The following MYO16 variants were observed in gnomAD, a reference collection of about 807,000 sequenced individuals.
MYO16 encodes myosin XVI, also known as unconventional myosin-XVI.
In MYO16, 94 loss-of-function variants were observed where a neutral mutation model predicts 205.3. The ratio of observed to expected loss-of-function variants is 0.46; its 90% confidence interval spans 0.39 to 0.54. The LOEUF is 0.54. Among genes scored for constraint, MYO16 ranks in the 20% least tolerant of loss-of-function variants. The pLI, the probability that MYO16 is intolerant of heterozygous loss-of-function variation, is 0.00. For missense variants in MYO16, 2,315 were observed against 2,387.5 expected, an observed-to-expected ratio of 0.97 and a Z score of 0.63; for synonymous variants, 988 against 954.0, an observed-to-expected ratio of 1.04 and a Z score of -0.66.
chr13:108,838,753 T>TAC (rs373261668), intron 9 of MYO16, among the ~76,000 whole-genome samples: 1,866 of 76,908 alleles, frequency 0.024, 37 homozygotes, highest in African/African-American at 0.086. Flanking sequence ...TATATATATA[T>TAC]ACACACACAC....
At chr13:108,532,180 T>C in the MYO16 span, among the ~76,000 whole-genome samples, 1 of 151,882 alleles carries the variant, frequency 6.6e-6, no homozygotes, top group African/African-American at 2.4e-5. Flanking sequence ...CACTCTAGCC[T>C]GGGTGACAGA....
intron 20 of MYO16, among the ~76,000 whole-genome samples, chr13:108,981,877 G>A (rs1185431379): frequency 6.6e-6 from 1 of 152,190 alleles, no homozygotes; most frequent in Non-Finnish European, 1.5e-5. Context: ...TTATTGAAAA[G>A]ACAGCTCTCC....
chr13:109,009,496 G>A (rs866117118), intron 22 of MYO16, among the ~76,000 whole-genome samples: 61 of 152,076 alleles, frequency 4.0e-4, no homozygotes, highest in African/African-American at 1.4e-3. Context: ...TATAATGTCG[G>A]TTAAATTAAG....
intron 27 of MYO16, among the ~76,000 whole-genome samples, chr13:109,091,612 C>T (rs1423752075): frequency 6.6e-6 from 1 of 152,182 alleles, no homozygotes; most frequent in Admixed American, 6.5e-5. Context: ...CACTGGCGAC[C>T]GCATTTCCAA....
At chr13:108,558,587 G>A in the MYO16 span, among the ~76,000 whole-genome samples, 33 of 152,300 alleles carry the variant, frequency 2.2e-4, no homozygotes, top group Non-Finnish European at 3.2e-4. Context: ...TTGCTGTCTC[G>A]CAGCAGAAGC....
chr13:108,835,383 T>C lies in MYO16; in HGVS notation c.1098-8960T>C, dbSNP rs150489410. 9.2e-4 allele frequency among the ~76,000 whole-genome samples: 140 copies of C among 152,294 alleles called. 3 individuals are homozygous for C. The highest frequency in any genetic ancestry group is 3.3e-3 in the African/African-American group (138 of 41,574). On this transcript the variant is annotated intron_variant, in intron 9 of 34. Transcript: ENST00000457511. ...ATTATTGTAATTTTCCTGAGGCCTC[T>C]TCAGCCATGTGGAACTGCAAATCAA...
chr13:109,027,237 T>C (rs781449065), intron 23 of MYO16, among the ~76,000 whole-genome samples: 6 of 152,168 alleles, frequency 3.9e-5, no homozygotes, highest in Non-Finnish European at 7.3e-5. Flanking sequence ...CTCCATCACA[T>C]GGCCCTGTCC....
At chr13:108,947,446 G>A (rs1225385255) in intron 16 of MYO16, among the ~76,000 whole-genome samples, 1 of 152,188 alleles carries the variant, frequency 6.6e-6, no homozygotes, top group Non-Finnish European at 1.5e-5. Context: ...CCCAGGCCTT[G>A]AGTTGTTAAA....
At chr13:108,701,206 G>A (rs181950085) in intron 2 of MYO16, among the ~76,000 whole-genome samples, 3 of 152,144 alleles carry the variant, frequency 2.0e-5, no homozygotes, top group East Asian at 3.9e-4. Flanking sequence ...ACCCAGGAGC[G>A]GAGAGGGAAT....
At chr13:108,792,493 C>T (rs964494954) in intron 5 of MYO16, among the ~76,000 whole-genome samples, 7 of 147,338 alleles carry the variant, frequency 4.8e-5, no homozygotes, top group African/African-American at 1.7e-4. Flanking sequence ...TCATAGTTTT[C>T]CAGTTTTTAT....
intron 4 of MYO16, among the ~76,000 whole-genome samples, chr13:108,747,180 A>G (rs1397697957): frequency 1.3e-5 from 2 of 152,236 alleles, no homozygotes; most frequent in Non-Finnish European, 1.5e-5. Context: ...TAAACAACAT[A>G]AACAGGAAAA....
chr13:109,164,276 T>G (rs958301513), intron 32 of MYO16, among the ~76,000 whole-genome samples: 1 of 152,248 alleles, frequency 6.6e-6, no homozygotes, highest in Non-Finnish European at 1.5e-5. Flanking sequence ...TTCACTTTAT[T>G]AATATTACAT....
At position 109,037,671 on chromosome 13, in the gene MYO16, C is replaced by G. The variant is rs191931203; in HGVS notation, c.2797-9245C>G. 8.2e-3 allele frequency among the ~76,000 whole-genome samples: 1,242 copies of G among 151,056 alleles called. 7 individuals are homozygous for G. The highest frequency in any genetic ancestry group is 0.032 in the South Asian group (153 of 4,766). On this transcript the variant is annotated intron_variant, in intron 23 of 34. Coordinates refer to ENST00000457511, the MANE Select transcript of MYO16 (RefSeq NM_001198950.3). ...ATCTCCAAAGCCACCGAGAGACACA[C>G]AGAGAGAGAGAGAGAAAGAATGGGA...
At chr13:108,868,431 G>C (rs1239246209) in intron 12 of MYO16, among the ~76,000 whole-genome samples, 1 of 152,094 alleles carries the variant, frequency 6.6e-6, no homozygotes, top group African/African-American at 2.4e-5. Context: ...CCTGTTTCGT[G>C]ATGCGTGTAT....
At chr13:108,689,913 A>G (rs1170409409) in intron 2 of MYO16, among the ~76,000 whole-genome samples, 1 of 152,358 alleles carries the variant, frequency 6.6e-6, no homozygotes, top group Non-Finnish European at 1.5e-5. Context: ...TGGGAACTGT[A>G]GCATGTCACT....
intron 20 of MYO16, among the ~76,000 whole-genome samples, chr13:108,969,806 T>A: frequency 6.6e-6 from 1 of 152,146 alleles, no homozygotes; most frequent in East Asian, 1.9e-4. Context: ...TTTCTATAGC[T>A]CTGAATAGGT....
intron 1 of MYO16, among the ~76,000 whole-genome samples, chr13:108,607,179 G>A (rs1209154877): frequency 6.6e-6 from 1 of 152,174 alleles, no homozygotes; most frequent in Non-Finnish European, 1.5e-5. Context: ...TGTGGACTTG[G>A]ACTTTGGGTT....
At chr13:108,646,182 T>G (rs1205531724) in intron 1 of MYO16, among the ~76,000 whole-genome samples, 1 of 152,190 alleles carries the variant, frequency 6.6e-6, no homozygotes, top group Non-Finnish European at 1.5e-5. Context: ...TGTTTGTTAG[T>G]TTGATTTTCT....
rs1418633489 is a variant in MYO16, at chr13:109,114,451, G to A, written c.3439-5919G>A. Reference sequence around the variant, plus strand: ...ATCTCTGGCACTAACTTTCTGTGTGGACTGTGTGAATGTCATACGTCCTCT... The same window carrying A: ...ATCTCTGGCACTAACTTTCTGTGTGAACTGTGTGAATGTCATACGTCCTCT... On this transcript the variant is annotated intron_variant, in intron 28 of 34. Transcript: ENST00000457511. Among the ~76,000 whole-genome samples the A allele has an allele frequency of 2.6e-5, 4 of 152,282 alleles. No individual in the cohort carries two copies. In the South Asian group the frequency reaches 8.3e-4, roughly 32 times the overall value.
Sources: gnomAD v4.1 joint callset for allele counts (sites outside exome capture counted in the v4.1 genomes callset) on GRCh38, gnomAD v4.1.1 for gene constraint, MANE v1.5 for transcripts, NCBI Gene and HGNC (gene_info 2026-07-23, HGNC 2026-07-21) for gene names.